TMEM117: variants seen among roughly 807,000 people sequenced by gnomAD.
The protein encoded by TMEM117 is transmembrane protein 117.
A neutral mutation model predicts 52.4 loss-of-function variants in TMEM117; 27 were observed. The ratio of observed to expected loss-of-function variants is 0.51; its 90% CI spans 0.38 to 0.71. The LOEUF (loss-of-function observed/expected upper bound fraction) is 0.71, where lower values mean the gene tolerates loss of function less well. TMEM117 is among the 30% of genes least tolerant of loss of function. The pLI is 0.00. For missense variants in TMEM117, 556 were observed against 630.5 expected (o/e 0.88, Z 1.26); for synonymous variants, 215 against 206.3 (o/e 1.04, Z -0.36).
intron 2 of TMEM117, among the ~76,000 whole-genome samples, chr12:43,905,277 G>A (rs1944367318): frequency 6.6e-6 from 1 of 152,176 alleles, no homozygotes; most frequent in African/African-American, 2.4e-5. Context: ...CATCAGATGA[G>A]TTTCTTAGTA....
intron 3 of TMEM117, among the ~76,000 whole-genome samples, chr12:43,947,574 C>T (rs1945153946): frequency 2.0e-5 from 3 of 152,100 alleles, no homozygotes; most frequent in Admixed American, 2.0e-4. Context: ...CCAGAGAGTG[C>T]AGAAAGGACA....
intron 6 of TMEM117, among the ~76,000 whole-genome samples, chr12:44,357,284 T>G (rs1408693557): frequency 6.6e-6 from 1 of 152,104 alleles, no homozygotes; most frequent in Non-Finnish European, 1.5e-5. Flanking sequence ...CTGCCACAAT[T>G]ATGATCATTT....
intron 3 of TMEM117, among the ~76,000 whole-genome samples, chr12:43,973,389 C>T (rs1385600200): frequency 1.3e-5 from 2 of 152,184 alleles, no homozygotes; most frequent in Admixed American, 1.3e-4. Flanking sequence ...ATACTTGTAA[C>T]TTGGATATCC....
At chr12:44,152,063 A>G (rs1291119101) in intron 4 of TMEM117, among the ~76,000 whole-genome samples, 1 of 116,878 alleles carries the variant, frequency 8.6e-6, no homozygotes, top group Non-Finnish European at 1.6e-5. Context: ...TATTTATATT[A>G]TAGATATAAT....
intron 6 of TMEM117, among the ~76,000 whole-genome samples, chr12:44,372,566 A>G (rs1244691464): frequency 1.3e-5 from 2 of 151,640 alleles, no homozygotes; most frequent in Non-Finnish European, 2.9e-5. Context: ...TTACATCCGG[A>G]TAGTATGAAT....
chr12:44,058,493 A>T (rs1467604704), intron 3 of TMEM117, among the ~76,000 whole-genome samples: 1 of 152,194 alleles, frequency 6.6e-6, no homozygotes, highest in African/African-American at 2.4e-5. Context: ...TTAAAAATGA[A>T]CCAAATACTG....
intron 5 of TMEM117, among the ~76,000 whole-genome samples, chr12:44,233,580 A>C (rs1378708624): frequency 6.6e-6 from 1 of 151,368 alleles, no homozygotes; most frequent in Non-Finnish European, 1.5e-5. Flanking sequence ...TAGCTACATC[A>C]CTGACAATAA....
intron 2 of TMEM117, among the ~76,000 whole-genome samples, chr12:43,866,839 C>G (rs1565726276): frequency 1.3e-5 from 2 of 152,068 alleles, no homozygotes; most frequent in Non-Finnish European, 2.9e-5. Flanking sequence ...GCCTGTAATC[C>G]CAACACTTTG....
intron 7 of TMEM117, among the ~76,000 whole-genome samples, chr12:44,382,721 C>CA (rs1336933507): frequency 3.3e-5 from 5 of 152,150 alleles, no homozygotes; most frequent in Non-Finnish European, 7.4e-5. Flanking sequence ...GTAACAATGA[C>CA]AAGAGAGGCA....
downstream of TMEM117, among the ~76,000 whole-genome samples, chr12:44,393,232 C>A (rs946402511): frequency 6.6e-6 from 1 of 151,972 alleles, no homozygotes; most frequent in African/African-American, 2.4e-5. Flanking sequence ...TTCCTTAATA[C>A]CAACTGTACT....
intron 2 of TMEM117, among the ~76,000 whole-genome samples, chr12:43,862,168 T>C (rs1038595041): frequency 6.6e-6 from 1 of 152,122 alleles, no homozygotes; most frequent in African/African-American, 2.4e-5. Flanking sequence ...GAGAAGGAAA[T>C]AAACTTTTGT....
intron 7 of TMEM117, among the ~76,000 whole-genome samples, chr12:44,383,696 C>T (rs1190106911): frequency 6.6e-6 from 1 of 152,200 alleles, no homozygotes; most frequent in African/African-American, 2.4e-5. Flanking sequence ...CCTCTGGTTA[C>T]TGTCGATTGT....
At chr12:44,050,298 T>G (rs1946950043) in intron 3 of TMEM117, among the ~76,000 whole-genome samples, 1 of 152,172 alleles carries the variant, frequency 6.6e-6, no homozygotes, top group Admixed American at 6.5e-5. Flanking sequence ...TGCCCCAGCC[T>G]CCCAAGTAGC....
rs919831881 is a variant in TMEM117, at chr12:44,181,766, A to G, written c.511-29524A>G. Among the ~76,000 whole-genome samples, 15 of 150,258 alleles carry G rather than the reference A, an allele frequency of 1.0e-4. 1 individual carries two copies. The highest frequency in any genetic ancestry group is 4.3e-4 in the South Asian group (2 of 4,698). ...GTTTTGGTTACTGTAGCCTTGTAGTATAGTTTGAAGTCAGGTAGTGTGATG... is the reference window on the plus strand; with the variant it reads ...GTTTTGGTTACTGTAGCCTTGTAGTGTAGTTTGAAGTCAGGTAGTGTGATG... On this transcript the variant is annotated intron_variant, in intron 4 of 7. Transcript: ENST00000266534.
chr12:43,938,369 C>T (rs1030295787), intron 2 of TMEM117, among the ~76,000 whole-genome samples: 2 of 151,286 alleles, frequency 1.3e-5, no homozygotes, highest in East Asian at 1.9e-4. Flanking sequence ...CAAATGAGCC[C>T]GAATAGAATG....
intron 3 of TMEM117, among the ~76,000 whole-genome samples, chr12:44,067,341 C>T (rs1391334041): frequency 6.6e-6 from 1 of 152,128 alleles, no homozygotes; most frequent in Non-Finnish European, 1.5e-5. Context: ...GAATCCTTTC[C>T]AGACTATTTT....
intron 5 of TMEM117, among the ~76,000 whole-genome samples, chr12:44,216,404 C>T (rs1352389070): frequency 6.6e-6 from 1 of 152,042 alleles, no homozygotes; most frequent in Non-Finnish European, 1.5e-5. Context: ...AACAAGCATC[C>T]TTGATAACAC....
intron 6 of TMEM117, among the ~76,000 whole-genome samples, chr12:44,341,448 A>C (rs1951415426): frequency 6.6e-6 from 1 of 152,124 alleles, no homozygotes; most frequent in South Asian, 2.1e-4. Flanking sequence ...ACATGATTTC[A>C]TTCTTTTCTA....
intron 2 of TMEM117, among the ~76,000 whole-genome samples, chr12:43,889,826 G>A (rs1034955353): frequency 1.3e-5 from 2 of 152,172 alleles, no homozygotes; most frequent in African/African-American, 4.8e-5. Context: ...TTGGGTAGCA[G>A]TCTCTGAGAA....
Sources: gnomAD v4.1 joint callset for allele counts (sites outside exome capture counted in the v4.1 genomes callset) on GRCh38, gnomAD v4.1.1 for gene constraint, MANE v1.5 for transcripts, NCBI Gene and HGNC (gene_info 2026-07-23, HGNC 2026-07-21) for gene names.